The following ACSL4 variants were observed in gnomAD, a reference collection of about 807,000 sequenced individuals.
The protein encoded by ACSL4 is long-chain-fatty-acid--CoA ligase 4.
In ACSL4, 9 loss-of-function variants were observed where a neutral mutation model predicts 49.1. The observed-to-expected ratio is 0.18, with a 90% CI of 0.11 to 0.32. The LOEUF is 0.32. Ranked by LOEUF, ACSL4 falls within the 10% of genes least tolerant of loss-of-function variation. The pLI, the probability that ACSL4 is intolerant of heterozygous loss-of-function variation, is 1.00. For synonymous variants in ACSL4, 191 were observed against 170.3 expected (o/e 1.12, Z -0.95); for missense variants, 333 against 493.7 (o/e 0.67, Z 3.08).
intron 1 of ACSL4, among the ~76,000 whole-genome samples, chrX:109,724,227 C>T (rs1927783440): frequency 9.0e-6 from 1 of 111,425 alleles, no homozygotes; most frequent in South Asian, 3.7e-4. Context: ...ATTCAACAAA[C>T]TTTGTGTGTG....
At position 109,690,637 on chromosome X, in the gene ACSL4, A is replaced by G. The variant is rs142244530; in HGVS notation, c.-13+5507T>C. ...TTTTAAAGTCCATGTTTTTAGCTCA[A>G]TTATCTGTGATCCTAGTAATACTGG... On this transcript the variant is annotated intron_variant, in intron 2 of 15. Transcript: ENST00000672401. 1.8e-4 allele frequency among the ~76,000 whole-genome samples: 20 copies of G among 109,858 alleles called. No homozygotes were observed. In the East Asian group the frequency reaches 5.7e-3, roughly 31 times the overall value.
rs184530543 is a variant in ACSL4, at chrX:109,646,284, A to G, written c.1856-2098T>C. Among the ~76,000 whole-genome samples, 197 of 111,837 alleles carry G rather than the reference A, an allele frequency of 1.8e-3. 1 individual carries two copies. Among genetic ancestry groups the G allele is most frequent in the Non-Finnish European group, 2.6e-3 (140 of 53,181 alleles). ...GGCAGCCAGAGAGAAAGGTTGGGGT[A>G]CCCTCAAAGGGAAGCCCATCAGACT... On this transcript the variant is annotated intron_variant, in intron 15 of 15. Coordinates refer to ENST00000672401, the MANE Select transcript of ACSL4 (RefSeq NM_001318510.2).
At chrX:109,725,785 TA>T (rs1437234098) in intron 1 of ACSL4, among the ~76,000 whole-genome samples, 1 of 111,788 alleles carries the variant, frequency 8.9e-6, no homozygotes, top group Non-Finnish European at 1.9e-5. Flanking sequence ...TTTAGATTTT[TA>T]TATTTTTTCC....
Position 109,682,997 on chromosome X carries a change from A to T in ACSL4, c.229-101T>A. 2.9e-6 allele frequency: 3 copies of T among 1,034,642 alleles called. No homozygotes were observed. The South Asian group carries it at 6.1e-5, about 21-fold the overall frequency. The allele number at this position is 1,034,642 out of a possible 1,213,427, so 85.3% of individuals were successfully genotyped here. On this transcript the variant is annotated intron_variant, in intron 3 of 15. Transcript: ENST00000672401. Reference sequence around the variant, plus strand: ...TAAAAATGCTCTTAAATGAACATACAGAAGCTATGAGCGGCTTCTGAGTAG... The same window carrying T: ...TAAAAATGCTCTTAAATGAACATACTGAAGCTATGAGCGGCTTCTGAGTAG...
intron 1 of ACSL4, among the ~76,000 whole-genome samples, chrX:109,732,763 T>C (rs961907774): frequency 9.0e-6 from 1 of 111,199 alleles, no homozygotes; most frequent in Non-Finnish European, 1.9e-5. Context: ...TAAAGGTCGT[T>C]TGGAGGTCTA....
chrX:109,695,715 T>C (rs1237029320), intron 2 of ACSL4: 1 of 110,546 alleles, frequency 9.0e-6, no homozygotes, highest in Non-Finnish European at 1.9e-5. Context: ...ACAATAATAA[T>C]AATAATAATG....
rs753267680 is a variant in ACSL4, at chrX:109,663,329, T to C, written c.1464A>G (p.Gly488=). The C allele has an allele frequency of 2.5e-6, 3 of 1,209,815 alleles. No homozygotes were observed. The highest frequency in any genetic ancestry group is 3.0e-5 in the East Asian group (1 of 33,851). The change falls in exon 13 of 16, where the codon GGA becomes GGG. Residue 488 remains glycine, a synonymous_variant. Transcript: ENST00000672401. ...CTGTTTTCTCTTCATTTTTAAAATA[T>C]CCCATGGAGATGTTCTGTCCACCAA... The part of the protein sequence containing the change: ...IVIGGQNISM[G]YFKNEEKTAE...
At chrX:109,686,876 A>T (rs1359588257) in intron 2 of ACSL4, among the ~76,000 whole-genome samples, 1 of 111,060 alleles carries the variant, frequency 9.0e-6, no homozygotes, top group Non-Finnish European at 1.9e-5. Context: ...AGGTTTTCAA[A>T]TTCTTTCTGC....
intron 1 of ACSL4, among the ~76,000 whole-genome samples, chrX:109,731,544 T>G (rs1271767059): frequency 2.0e-5 from 2 of 98,999 alleles, no homozygotes; most frequent in Non-Finnish European, 4.1e-5. Flanking sequence ...TATCTTAATC[T>G]AAATCACTTG....
chrX:109,650,926 T>C (rs1423599951), intron 15 of ACSL4, among the ~76,000 whole-genome samples: 1 of 112,061 alleles, frequency 8.9e-6, no homozygotes, highest in Non-Finnish European at 1.9e-5. Flanking sequence ...TCTAGACAAA[T>C]ATTCTTTATA....
At chrX:109,730,945 C>T (rs999388588) in intron 1 of ACSL4, among the ~76,000 whole-genome samples, 5 of 111,804 alleles carry the variant, frequency 4.5e-5, no homozygotes, top group African/African-American at 1.6e-4. Context: ...GGATTACAGG[C>T]GTGAGCCACC....
At chrX:109,696,060 A>G (rs1278619035) in intron 2 of ACSL4, 84 bp downstream of exon 2, 1 of 112,571 alleles carries the variant, frequency 8.9e-6, no homozygotes, top group Non-Finnish European at 1.9e-5. Flanking sequence ...AAAAGGGTCA[A>G]GATGCCTGTT....
chrX:109,649,673 A>C (rs1230140111), intron 15 of ACSL4, among the ~76,000 whole-genome samples: 2 of 111,348 alleles, frequency 1.8e-5, no homozygotes, highest in Non-Finnish European at 3.8e-5. Context: ...AAAATTGACA[A>C]ATGGGAACTA....
intron 9 of ACSL4, among the ~76,000 whole-genome samples, chrX:109,671,446 G>A (rs1261474808): frequency 9.2e-6 from 1 of 109,111 alleles, no homozygotes; most frequent in African/African-American, 3.3e-5. Context: ...CACCCCATCC[G>A]GGAGGTGGGG....
rs1410699596 is a variant in ACSL4 at position 109,707,971 on chromosome X, G to T, written c.-65-11775C>A. On this transcript the variant is annotated intron_variant, in intron 1 of 15. Transcript: ENST00000672401. Reference sequence around the variant, plus strand: ...TGATTTTTTTTTTTATTGAGACAAGGTCTTGCTCGGTTACCCAGGCAGGAA... The same window carrying T: ...TGATTTTTTTTTTTATTGAGACAAGTTCTTGCTCGGTTACCCAGGCAGGAA... 1.3e-4 allele frequency among the ~76,000 whole-genome samples: 15 copies of T among 111,296 alleles called. 3 individuals are homozygous for T. In the South Asian group the frequency reaches 1.5e-3, roughly 11 times the overall value.
chrX:109,720,859 G>A (rs776594393), intron 1 of ACSL4, among the ~76,000 whole-genome samples: 5 of 111,970 alleles, frequency 4.5e-5, no homozygotes, highest in Non-Finnish European at 9.4e-5. Flanking sequence ...ACTTTAAACC[G>A]TCCTAGACTA....
In ACSL4 at chrX:109,665,478, A is replaced by G. The variant is rs1032488001; in HGVS notation, c.1332T>C (p.Thr444=). The change falls in exon 12 of 16, where the codon ACT becomes ACC. Residue 444 remains threonine (T), a synonymous_variant. Transcript: ENST00000672401. ...AAATAAGAGGTGCTCCAACTCTGCCAGTAGTATAGTCAGTTACTGTGAGGG... is the reference window on the plus strand; with the variant it reads ...AAATAAGAGGTGCTCCAACTCTGCCGGTAGTATAGTCAGTTACTGTGAGGG... ...GTVTEVTDYT[T]GRVGAPLICC... The G allele has an allele frequency of 2.4e-5, 29 of 1,208,615 alleles. No homozygotes were observed. Among genetic ancestry groups the G allele is most frequent in the Non-Finnish European group, 3.2e-5 (29 of 892,668 alleles).
At chrX:109,708,582 G>A (rs1220302966) in intron 1 of ACSL4, among the ~76,000 whole-genome samples, 1 of 111,884 alleles carries the variant, frequency 8.9e-6, no homozygotes, top group African/African-American at 3.2e-5. Flanking sequence ...AATAAAATGA[G>A]GGTTTTCTTC....
intron 15 of ACSL4, among the ~76,000 whole-genome samples, chrX:109,645,387 G>T (rs1460726230): frequency 8.9e-6 from 1 of 112,200 alleles, no homozygotes; most frequent in Non-Finnish European, 1.9e-5. Flanking sequence ...CAGCCTAAAT[G>T]GGAGGCACCC....
Sources: gnomAD v4.1 joint callset for allele counts (sites outside exome capture counted in the v4.1 genomes callset) on GRCh38, gnomAD v4.1.1 for gene constraint, MANE v1.5 for transcripts, NCBI Gene and HGNC (gene_info 2026-07-23, HGNC 2026-07-21) for gene names.